Variants in WDR90 observed in about 807,000 individuals in gnomAD.
WDR90 encodes WD repeat domain 90, also known as WD repeat-containing protein 90.
In WDR90, 238 loss-of-function variants were observed where a neutral mutation model predicts 195.2. That is an observed-to-expected ratio of 1.22 (90% CI 1.10 to 1.36). The LOEUF (loss-of-function observed/expected upper bound fraction) is 1.36, where lower values mean the gene tolerates loss of function less well. Ranked by LOEUF, WDR90 falls within the 40% of genes most tolerant of loss-of-function variation. The probability of loss-of-function intolerance (pLI) is 0.00; values close to 1 mark genes in which losing one functional copy is unlikely to be tolerated. For synonymous variants in WDR90, 1,265 were observed against 1,052.4 expected, an observed-to-expected ratio of 1.20 and a Z score of -3.91; for missense variants, 2,734 against 2,439.5, an observed-to-expected ratio of 1.12 and a Z score of -2.54.
Position 659,087 on chromosome 16 carries a change from G to A in WDR90, c.3013G>A (p.Asp1005Asn), listed in dbSNP as rs1328528443. The A allele has an allele frequency of 6.2e-6, 10 of 1,612,880 alleles. No homozygotes were observed. In the South Asian group the frequency reaches 6.6e-5, roughly 11 times the overall value. The part of the protein sequence containing the change: ...LWDVLAPTES[D>N]QSFPGAPPAC... ...AAACCCTCTCTCCTCCCTCTCCAGCGACCAAAGCTTCCCCGGGGCCCCCCC... is the reference window on the plus strand; with the variant it reads ...AAACCCTCTCTCCTCCCTCTCCAGCAACCAAAGCTTCCCCGGGGCCCCCCC... Residue 1005 changes from aspartate (D) to asparagine (N), a missense_variant and splice_region_variant, in exon 25 of 41, where the codon GAC becomes AAC. Coordinates refer to ENST00000293879, the MANE Select transcript of WDR90 (RefSeq NM_145294.5).
chr16:649,488 C>G (rs1225818722), intron 1 of WDR90, 62 bp downstream of exon 1: 1 of 1,281,642 alleles, frequency 7.8e-7, no homozygotes, highest in African/African-American at 1.6e-5. Flanking sequence ...GGTCCAGGGT[C>G]GGCGGCCGGA....
At chr16:652,678 C>T (rs991118918) in intron 10 of WDR90, 143 bp downstream of exon 10, 3 of 846,802 alleles carry the variant, frequency 3.5e-6, no homozygotes, top group Non-Finnish European at 4.9e-6. Flanking sequence ...GGTCCCGTCC[C>T]CCTGCAGTCC....
chr16:667,130 A>C, intron 40 of WDR90, 141 bp downstream of exon 40: 1 of 934,628 alleles, frequency 1.1e-6, no homozygotes, highest in East Asian at 2.6e-5. Context: ...TGCCCTAGAG[A>C]GGGTCCTGGA....
In WDR90 at chr16:651,895, C is replaced by G; in HGVS notation, c.909C>G (p.Ala303=). ...GCCTGTCCCAAGAGCGCTCAGACGCCTCCAACGCGGATGGCCCCGGTTTCC... is the reference window on the plus strand; with the variant it reads ...GCCTGTCCCAAGAGCGCTCAGACGCGTCCAACGCGGATGGCCCCGGTTTCC... ...EVSLSQERSD[A]SNADGPGFHS... The change falls in exon 9 of 41, where the codon GCC becomes GCG. Residue 303 remains alanine (A), a synonymous_variant. Transcript: ENST00000293879. The G allele has an allele frequency of 6.2e-7, 1 of 1,611,306 alleles. No individual in the cohort carries two copies. The highest frequency in any genetic ancestry group is 2.2e-5 in the East Asian group (1 of 44,862).
At chr16:658,160 C>T (rs760773842) in intron 21 of WDR90, 23 bp from the exon 22 acceptor site, 15 of 1,597,320 alleles carry the variant, frequency 9.4e-6, no homozygotes, top group African/African-American at 5.4e-5. Context: ...CCCTGACTGT[C>T]GGCCACTTAC....
At chr16:654,988 G>A (rs1001378990) in intron 13 of WDR90, 41 bp from the exon 14 acceptor site, 11 of 1,593,918 alleles carry the variant, frequency 6.9e-6, no homozygotes, top group African/African-American at 4.0e-5. Flanking sequence ...AGGTGGCCCC[G>A]ACTGGCCCTG....
chr16:659,471 G>C (rs2037844591), intron 26 of WDR90, 95 bp downstream of exon 26: 1 of 1,484,712 alleles, frequency 6.7e-7, no homozygotes, highest in Non-Finnish European at 9.1e-7. Context: ...TCCAGCTCTG[G>C]GGTGCAGGTG....
rs535775253 is a variant in WDR90 at position 666,542 on chromosome 16, C to A, written c.4828C>A (p.Arg1610=). 1.2e-6 allele frequency: 2 copies of A among 1,612,584 alleles called. No homozygotes were observed. Among genetic ancestry groups the A allele is most frequent in the African/African-American group, 2.7e-5 (2 of 74,922 alleles). The change falls in exon 38 of 41, where the codon CGG becomes AGG. Residue 1610 remains arginine (R), a synonymous_variant. Coordinates refer to ENST00000293879, the MANE Select transcript of WDR90 (RefSeq NM_145294.5). ...CAGCGTCTGGGCCTCCGACTGGCTG[C>A]GGAACCACTGTGAGCTTGTGGACTG... ...RVSVWASDWL[R]NHCELVDWLS... is the part of the protein sequence containing the mutation.
intron 24 of WDR90, 37 bp from the exon 25 acceptor site, chr16:659,049 C>G (rs373488333): frequency 1.2e-6 from 2 of 1,613,246 alleles, no homozygotes; most frequent in Non-Finnish European, 1.7e-6. Context: ...CCTAGGCCCC[C>G]CAGGCCCTCC....
In WDR90 at chr16:660,722, C is replaced by T. The variant is rs1389435375; in HGVS notation, c.3391+8C>T. 1 of 1,548,658 alleles carries T rather than the reference C, an allele frequency of 6.5e-7. No individual in the cohort carries two copies. The highest frequency in any genetic ancestry group is 1.2e-5 in the South Asian group (1 of 84,598). ...TCTGGAGGCCGGACACAGGTGGGGG[C>T]CAAGAGCCTACCCCCACCCCCAGCC... On this transcript the variant is annotated splice_region_variant and intron_variant, in intron 28 of 40. Transcript: ENST00000293879.
intron 33 of WDR90, 168 bp downstream of exon 33, chr16:662,499 C>G: frequency 2.5e-6 from 3 of 1,180,848 alleles, no homozygotes; most frequent in Non-Finnish European, 3.5e-6. Context: ...TGGCTGCTGT[C>G]GAGTACGGGC....
At position 657,723 on chromosome 16, in the gene WDR90, A is replaced by ACTCC. The variant is rs10673583; in HGVS notation, c.2474-37_2474-34dup. 0.015 allele frequency: 21,868 copies of ACTCC among 1,503,942 alleles called. 1,496 individuals carry two copies. In the African/African-American group the frequency reaches 0.2, roughly 14 times the overall value. 93.2% of individuals were successfully genotyped at this position (1,503,942 alleles called of 1,614,324 possible). On this transcript the variant is annotated intron_variant, in intron 20 of 40. Transcript: ENST00000293879. ...GGGCCCTGGCCACGCGCACCCCGGC[A>ACTCC]CTCCCCACCCAGCTGACCCCTGCCC...
At chr16:651,376 G>A (rs2037644119) in intron 7 of WDR90, 110 bp downstream of exon 7, 1 of 1,323,060 alleles carries the variant, frequency 7.6e-7, no homozygotes, top group Non-Finnish European at 1.1e-6. Context: ...GGCTGCAGCT[G>A]GTGCAGGGAC....
rs1040330698 is a variant in WDR90 at position 655,883 on chromosome 16, G to T, written c.1960G>T (p.Glu654Ter). The T allele has an allele frequency of 1.9e-6, 3 of 1,593,590 alleles. No homozygotes were observed. In the East Asian group the frequency reaches 6.8e-5, roughly 36 times the overall value. The stretch of plus-strand genomic sequence containing the variant: ...CCTGGACTTCTCCTCGGTGCTCCTG[G>T]AGGCAGGTGATGCTGTGGGCACGCT... ...WPLDFSSVLLEAEHEGPVSSV... is the reference protein window; with the variant it reads ...WPLDFSSVLL The change falls in exon 17 of 41, where the codon GAG (glutamate) becomes TAG (stop). Residue 654 changes from glutamate (E) to a stop codon, truncating the protein, a stop_gained. Coordinates refer to ENST00000293879, the MANE Select transcript of WDR90 (RefSeq NM_145294.5). LOFTEE classifies it high-confidence loss of function.
rs1427634446 is a variant in WDR90 at position 662,281 on chromosome 16, G to T, written c.4095G>T (p.Leu1365=). The change falls in exon 33 of 41, where the codon CTG becomes CTT. Residue 1365 remains leucine (L), a synonymous_variant. Coordinates refer to ENST00000293879, the MANE Select transcript of WDR90 (RefSeq NM_145294.5). ...GCAGCAGCACGGGGCGGCTGCGCCTGTGGGCCGTGGGGGCTGTGTCGGAGC... is the reference window on the plus strand; with the variant it reads ...GCAGCAGCACGGGGCGGCTGCGCCTTTGGGCCGTGGGGGCTGTGTCGGAGC... ...VSGSSTGRLR[L]WAVGAVSELR... 6.3e-7 allele frequency: 1 copy of T among 1,584,274 alleles called. No homozygotes were observed. Among genetic ancestry groups the T allele is most frequent in the Non-Finnish European group, 8.6e-7 (1 of 1,166,364 alleles).
Position 655,599 on chromosome 16 carries a change from T to A in WDR90, c.1745T>A (p.Ile582Asn), listed in dbSNP as rs770494457. 6.2e-7 allele frequency: 1 copy of A among 1,605,378 alleles called. No homozygotes were observed. Among genetic ancestry groups the A allele is most frequent in the Admixed American group, 1.7e-5 (1 of 59,358 alleles). The change falls in exon 16 of 41, where the codon ATC becomes AAC. Residue 582 changes from isoleucine to asparagine, a missense_variant. Transcript: ENST00000293879. The stretch of plus-strand genomic sequence containing the variant: ...TTCGTGTGCAGCCGCAGTGGCCACA[T>A]CTTGGAGATTGACTGTCAGCGCATG... Reference protein sequence around the residue: ...MLFVCSRSGHILEIDCQRMVV... With the variant: ...MLFVCSRSGHNLEIDCQRMVV...
At chr16:653,088 C>T (rs963861597) in intron 10 of WDR90, among the ~76,000 whole-genome samples, 1 of 152,180 alleles carries the variant, frequency 6.6e-6, no homozygotes, top group Non-Finnish European at 1.5e-5. Context: ...GGACAGGCGT[C>T]TGTGCATGTG....
At position 651,865 on chromosome 16, in the gene WDR90, G is replaced by C; in HGVS notation, c.879G>C (p.Glu293Asp). The change falls in exon 9 of 41, where the codon GAG (glutamate) becomes GAC (aspartate). Residue 293 changes from glutamate (E) to aspartate (D), a missense_variant. Glu to Asp is a conservative substitution (Grantham distance 45). Coordinates refer to ENST00000293879, the MANE Select transcript of WDR90 (RefSeq NM_145294.5). Reference sequence around the variant, plus strand: ...CCTTGGCACCCAGGCCCTTCCCGGAGGTCAGCCTGTCCCAAGAGCGCTCAG... The same window carrying C: ...CCTTGGCACCCAGGCCCTTCCCGGACGTCAGCCTGTCCCAAGAGCGCTCAG... ...RAALAPRPFP[E>D]VSLSQERSDA... The C allele has an allele frequency of 6.2e-7, 1 of 1,610,492 alleles. No individual in the cohort carries two copies. The highest frequency in any genetic ancestry group is 1.3e-5 in the African/African-American group (1 of 75,062).
chr16:652,670 T>C, intron 10 of WDR90, 135 bp downstream of exon 10: 1 of 957,372 alleles, frequency 1.0e-6, no homozygotes, highest in Non-Finnish European at 1.4e-6. Flanking sequence ...GGCACAGCGG[T>C]CCCGTCCCCC....
Sources: allele counts gnomAD v4.1 joint callset (sites outside exome capture counted in the v4.1 genomes callset), GRCh38; gene constraint gnomAD v4.1.1; transcripts MANE v1.5; gene names NCBI Gene and HGNC (gene_info 2026-07-23, HGNC 2026-07-21).